Variants in CSMD3 observed in about 807,000 individuals in gnomAD.
CSMD3 encodes the protein CUB and Sushi multiple domains 3.
Under a neutral mutation model 435.2 loss-of-function variants are expected in CSMD3, and 177 were observed. The observed-to-expected ratio is 0.41, with a 90% CI of 0.36 to 0.46. CSMD3 has a LOEUF of 0.46. CSMD3 is among the 20% of genes least tolerant of loss of function. The pLI is 0.34. For missense variants in CSMD3, 4,265 were observed against 4,504.6 expected (o/e 0.95, Z 1.52); for synonymous variants, 1,656 against 1,520.5 (o/e 1.09, Z -2.07).
At chr8:113,410,112 A>G (rs1016081740) in intron 1 of CSMD3, among the ~76,000 whole-genome samples, 71 of 152,266 alleles carry the variant, frequency 4.7e-4, no homozygotes, top group African/African-American at 1.6e-3. Flanking sequence ...TATCTCTCAC[A>G]CAAACAGATA....
intron 31 of CSMD3, among the ~76,000 whole-genome samples, chr8:112,473,809 C>T (rs1023250899): frequency 6.6e-6 from 1 of 150,550 alleles, no homozygotes; most frequent in Admixed American, 6.6e-5. Flanking sequence ...ATTGGTGAGC[C>T]CTGGACAGGA....
intron 4 of CSMD3, among the ~76,000 whole-genome samples, chr8:113,145,136 G>A (rs1216424833): frequency 6.6e-6 from 1 of 151,532 alleles, no homozygotes. Context: ...AAAGGGTGGG[G>A]TGCTTGGAAT....
intron 2 of CSMD3, chr8:113,310,234 A>G (rs964973660): frequency 6.6e-6 from 1 of 152,112 alleles, no homozygotes; most frequent in Non-Finnish European, 1.5e-5. Flanking sequence ...AATATTTCAT[A>G]TGTATTAAGG....
intron 2 of CSMD3, 137 bp downstream of exon 2, chr8:113,314,434 T>C: frequency 1.5e-6 from 1 of 662,804 alleles, no homozygotes; most frequent in Non-Finnish European, 2.7e-6. Flanking sequence ...GATGATATAT[T>C]TTCAAATAAA....
chr8:113,273,874 A>G (rs139561256), intron 3 of CSMD3, among the ~76,000 whole-genome samples: 68 of 152,234 alleles, frequency 4.5e-4, no homozygotes, highest in African/African-American at 1.6e-3. Context: ...ACTTAGAAAC[A>G]TTCATAATGA....
chr8:112,774,855 A>T (rs573884537), intron 13 of CSMD3, among the ~76,000 whole-genome samples: 1 of 152,150 alleles, frequency 6.6e-6, no homozygotes, highest in African/African-American at 2.4e-5. Flanking sequence ...TCATATCCAA[A>T]TATAAATCAT....
intron 10 of CSMD3, among the ~76,000 whole-genome samples, chr8:112,913,937 T>C (rs542851858): frequency 1.2e-4 from 19 of 152,072 alleles, no homozygotes; most frequent in African/African-American, 4.1e-4. Context: ...TTGTGATATA[T>C]AGTAATGCAT....
chr8:112,453,587 A>C (rs1316302614), intron 32 of CSMD3, among the ~76,000 whole-genome samples: 1 of 152,182 alleles, frequency 6.6e-6, no homozygotes, highest in Non-Finnish European at 1.5e-5. Flanking sequence ...GGAGAACTAC[A>C]AAATAGTGCT....
intron 3 of CSMD3, among the ~76,000 whole-genome samples, chr8:113,270,715 T>C (rs2093516577): frequency 6.6e-6 from 1 of 151,548 alleles, no homozygotes; most frequent in Non-Finnish European, 1.5e-5. Flanking sequence ...CTCAGCAAAC[T>C]ATCGCAAGGA....
intron 12 of CSMD3, among the ~76,000 whole-genome samples, chr8:112,817,848 A>G (rs1389006446): frequency 2.6e-5 from 4 of 152,066 alleles, no homozygotes; most frequent in African/African-American, 7.2e-5. Flanking sequence ...TCCAATTACA[A>G]TGCTTTCTCT....
chr8:112,300,826 T>C (rs1820851611), intron 53 of CSMD3, among the ~76,000 whole-genome samples: 1 of 152,178 alleles, frequency 6.6e-6, no homozygotes, highest in African/African-American at 2.4e-5. Context: ...TTTCAAATAA[T>C]GATTGTATTT....
rs78767723 is a variant in CSMD3, at chr8:113,274,557, G to A, written c.514+4035C>T. On this transcript the variant is annotated intron_variant, in intron 3 of 70. Coordinates refer to ENST00000297405, the MANE Select transcript of CSMD3 (RefSeq NM_198123.2). Reference sequence around the variant, plus strand: ...ACAAAAGTATTGGTGTGCAATTACAGATACCTATTGGTCTTTCATCATAGA... The same window carrying A: ...ACAAAAGTATTGGTGTGCAATTACAAATACCTATTGGTCTTTCATCATAGA... 1.6e-4 allele frequency among the ~76,000 whole-genome samples: 24 copies of A among 152,198 alleles called. No individual in the cohort carries two copies. The East Asian group carries it at 4.1e-3, about 26-fold the overall frequency.
chr8:112,487,662 C>T (rs1274654953), intron 31 of CSMD3, among the ~76,000 whole-genome samples: 1 of 152,060 alleles, frequency 6.6e-6, no homozygotes, highest in African/African-American at 2.4e-5. Flanking sequence ...AGGAGAAAAA[C>T]TAGTTAGGAA....
At position 112,645,219 on chromosome 8, in the gene CSMD3, C is replaced by G. The variant is rs2131613283; in HGVS notation, c.3200G>C (p.Cys1067Ser). ...SHPLPTCDAL[C>S]GGDVRGPSGT... The stretch of plus-strand genomic sequence containing the variant: ...ACTAGGCCCTCTAACATCTCCTCCA[C>G]ATAATGCTGAAATACAAAGAAACAG... The change falls in exon 20 of 71, where the codon TGT becomes TCT. Residue 1067 changes from cysteine to serine, a missense_variant. Physicochemically the swap from Cys to Ser is moderately radical, Grantham distance 112 (BLOSUM62 -1). Transcript: ENST00000297405. 1 of 1,531,870 alleles carries G rather than the reference C, an allele frequency of 6.5e-7. No homozygotes were observed. Among genetic ancestry groups the G allele is most frequent in the Non-Finnish European group, 9.0e-7 (1 of 1,105,144 alleles). 94.9% of individuals were successfully genotyped at this position (1,531,870 alleles called of 1,614,324 possible).
intron 27 of CSMD3, among the ~76,000 whole-genome samples, chr8:112,549,220 G>A (rs562159371): frequency 9.3e-4 from 141 of 151,934 alleles, no homozygotes; most frequent in African/African-American, 3.3e-3. Context: ...CTAAAATTAA[G>A]CCGCTCTCTG....
At position 112,434,923 on chromosome 8, in the gene CSMD3, C is replaced by T. The variant is rs550667747; in HGVS notation, c.5396-25891G>A. ...AAATCTTTGACCTAATGTTTTTAAA[C>T]GAATTCAATGACGAGTTCACCAGAG... On this transcript the variant is annotated intron_variant, in intron 32 of 70. Coordinates refer to ENST00000297405, the MANE Select transcript of CSMD3 (RefSeq NM_198123.2). 1.5e-3 allele frequency among the ~76,000 whole-genome samples: 226 copies of T among 152,148 alleles called. 1 individual carries two copies. The highest frequency in any genetic ancestry group is 4.8e-3 in the African/African-American group (201 of 41,538).
chr8:112,384,022 C>T (rs1298875195), intron 36 of CSMD3, among the ~76,000 whole-genome samples: 1 of 152,158 alleles, frequency 6.6e-6, no homozygotes, highest in Non-Finnish European at 1.5e-5. Flanking sequence ...TGTATATGTA[C>T]TGATTTGAGT....
At chr8:113,111,873 T>G (rs2131598921) in intron 4 of CSMD3, among the ~76,000 whole-genome samples, 1 of 152,034 alleles carries the variant, frequency 6.6e-6, no homozygotes, top group South Asian at 2.1e-4. Flanking sequence ...ATAGACAGGG[T>G]TTCACCATGT....
intron 4 of CSMD3, among the ~76,000 whole-genome samples, chr8:113,161,817 T>C (rs2092045465): frequency 1.3e-5 from 2 of 152,136 alleles, no homozygotes; most frequent in African/African-American, 2.4e-5. Flanking sequence ...TCACTTGAAA[T>C]TGTCACCTCT....
Sources: allele counts gnomAD v4.1 joint callset (sites outside exome capture counted in the v4.1 genomes callset), GRCh38; gene constraint gnomAD v4.1.1; transcripts MANE v1.5; gene names NCBI Gene and HGNC (gene_info 2026-07-23, HGNC 2026-07-21).